The following TAF3 variants were observed in gnomAD, a reference collection of about 807,000 sequenced individuals.
TAF3 encodes transcription initiation factor TFIID subunit 3.
A neutral mutation model predicts 80.6 loss-of-function variants in TAF3; 7 were observed. The observed-to-expected ratio is 0.09, with a 90% CI of 0.05 to 0.16. TAF3 has a LOEUF of 0.16. TAF3 is among the 10% of genes least tolerant of loss of function. The probability of loss-of-function intolerance (pLI) is 1.00; values close to 1 mark genes in which losing one functional copy is unlikely to be tolerated. For missense variants in TAF3, 921 were observed against 1,140.2 expected (o/e 0.81, Z 2.77); for synonymous variants, 444 against 446.1 (o/e 1.00, Z 0.06).
Position 7,964,288 on chromosome 10 carries a change from G to T in TAF3, c.778G>T (p.Ala260Ser). 6.2e-7 allele frequency: 1 copy of T among 1,614,162 alleles called. No individual in the cohort carries two copies. Among genetic ancestry groups the T allele is most frequent in the South Asian group, 1.1e-5 (1 of 91,084 alleles). ...APVAKSQMPT[A>S]KPLETKSFTP... ...AGTTGCAAAATCACAAATGCCAACTGCAAAACCATTAGAAACAAAGTCATT... is the reference window on the plus strand; with the variant it reads ...AGTTGCAAAATCACAAATGCCAACTTCAAAACCATTAGAAACAAAGTCATT... The change falls in exon 3 of 7, where the codon GCA becomes TCA. Residue 260 changes from alanine (A) to serine (S), a missense_variant. This residue lies in a region of TAF3 where 743 missense variants were observed against 821.0 expected (regional missense o/e 0.90). Transcript: ENST00000344293. The surrounding 1 kb of genome is among the most constrained non-coding windows in gnomAD (Gnocchi z 4.1).
Position 7,965,552 on chromosome 10 carries a change from T to C in TAF3, c.2042T>C (p.Leu681Ser), listed in dbSNP as rs779803536. 1 of 1,600,470 alleles carries C rather than the reference T, an allele frequency of 6.2e-7. No individual in the cohort carries two copies. Among genetic ancestry groups the C allele is most frequent in the South Asian group, 1.1e-5 (1 of 87,160 alleles). The stretch of plus-strand genomic sequence containing the variant: ...AGGGTCCCAGCCATGCTGCCATCTT[T>C]GTTGCCAGTGCTTCCGGAAAAACTG... ...ASRVPAMLPSLLPVLPEKLFE... is the reference protein window; with the variant it reads ...ASRVPAMLPSSLPVLPEKLFE... The change falls in exon 3 of 7, where the codon TTG becomes TCG. Residue 681 changes from leucine (L) to serine (S), a missense_variant. Physicochemically the swap from Leu to Ser is moderately radical, Grantham distance 145. Around this residue, in one of 6 missense-constraint regions of TAF3, gnomAD observed 743 missense variants for 821.0 expected, o/e 0.90. Coordinates refer to ENST00000344293, the MANE Select transcript of TAF3 (RefSeq NM_031923.4).
chr10:7,954,876 A>G (rs778615174), intron 2 of TAF3, among the ~76,000 whole-genome samples: 5 of 138,218 alleles, frequency 3.6e-5, no homozygotes, highest in African/African-American at 5.1e-5. Flanking sequence ...TGAATGAGTG[A>G]ATTAGTTCTA....
intron 2 of TAF3, among the ~76,000 whole-genome samples, chr10:7,849,112 A>G (rs1837001261): frequency 6.6e-6 from 1 of 152,216 alleles, no homozygotes; most frequent in Non-Finnish European, 1.5e-5. Context: ...TTAGGTACCA[A>G]GTGCTTCACA....
intron 4 of TAF3, among the ~76,000 whole-genome samples, chr10:7,999,814 C>G (rs957288419): frequency 1.3e-5 from 2 of 152,152 alleles, no homozygotes; most frequent in Non-Finnish European, 2.9e-5. Context: ...TCTCTTCCCC[C>G]TCCTTTGACC....
intron 4 of TAF3, among the ~76,000 whole-genome samples, chr10:8,003,398 C>G (rs1407111543): frequency 6.6e-6 from 1 of 152,176 alleles, no homozygotes; most frequent in African/African-American, 2.4e-5. Context: ...CCATTACTGG[C>G]TTACATATCA....
chr10:7,932,366 C>T (rs971485142), intron 2 of TAF3, among the ~76,000 whole-genome samples: 9 of 152,180 alleles, frequency 5.9e-5, no homozygotes, highest in African/African-American at 1.7e-4. Context: ...GGCATCTCAA[C>T]TAGCTAGTGT....
chr10:7,929,593 G>A (rs576418092), intron 2 of TAF3, among the ~76,000 whole-genome samples: 1 of 151,992 alleles, frequency 6.6e-6, no homozygotes, highest in East Asian at 1.9e-4. Flanking sequence ...CAAACTCCTG[G>A]ACTCAAGTGA....
At chr10:7,939,575 ACTACAC>A (rs1837957468) in intron 2 of TAF3, among the ~76,000 whole-genome samples, 1 of 100,072 alleles carries the variant, frequency 1.0e-5, no homozygotes, top group African/African-American at 3.5e-5. Flanking sequence ...ATAGAAGAAA[ACTACAC>A]ACACACACAC....
At chr10:8,001,149 G>A (rs192667319) in intron 4 of TAF3, among the ~76,000 whole-genome samples, 2 of 152,254 alleles carry the variant, frequency 1.3e-5, no homozygotes, top group African/African-American at 2.4e-5. Context: ...CCTTTACACA[G>A]CTGTCTAATG....
intron 4 of TAF3, among the ~76,000 whole-genome samples, chr10:7,992,563 T>G (rs78726055): frequency 6.7e-6 from 1 of 148,886 alleles, no homozygotes; most frequent in Non-Finnish European, 1.5e-5. Flanking sequence ...TAGAGCCCTT[T>G]AGAGTGAGTA....
intron 2 of TAF3, among the ~76,000 whole-genome samples, chr10:7,933,645 C>T (rs79376812): frequency 0.011 from 1,693 of 152,316 alleles, 32 homozygotes; most frequent in African/African-American, 0.038. Context: ...ATGTCCTCAA[C>T]GTTTGCACAT....
chr10:7,950,235 C>T (rs112022728), intron 2 of TAF3, among the ~76,000 whole-genome samples: 2 of 152,088 alleles, frequency 1.3e-5, no homozygotes, highest in Admixed American at 1.3e-4. Context: ...TTTGAAAAGA[C>T]AGTATTACTC....
At chr10:7,830,736 G>A (rs754853364) in intron 2 of TAF3, among the ~76,000 whole-genome samples, 18 of 151,892 alleles carry the variant, frequency 1.2e-4, no homozygotes, top group African/African-American at 4.4e-4. Context: ...CGCCAGCCTC[G>A]GCCTCCCAAA....
chr10:7,940,908 A>G (rs533101387), intron 2 of TAF3, among the ~76,000 whole-genome samples: 105 of 151,870 alleles, frequency 6.9e-4, no homozygotes, highest in African/African-American at 2.5e-3. Context: ...GCAGTGAGCT[A>G]TGATCACACC....
At chr10:7,872,322 G>C (rs1048751486) in intron 2 of TAF3, among the ~76,000 whole-genome samples, 1 of 147,602 alleles carries the variant, frequency 6.8e-6, no homozygotes, top group Non-Finnish European at 1.5e-5. Context: ...ATTAAAATCA[G>C]TTCCCTGTAT....
At chr10:7,823,699 A>G (rs1398309941) in intron 1 of TAF3, among the ~76,000 whole-genome samples, 1 of 148,168 alleles carries the variant, frequency 6.7e-6, no homozygotes, top group Non-Finnish European at 1.5e-5. Context: ...TAGTGGCACG[A>G]TCTCGGCTCA....
At chr10:7,926,926 G>A (rs1457339809) in intron 2 of TAF3, among the ~76,000 whole-genome samples, 1 of 152,106 alleles carries the variant, frequency 6.6e-6, no homozygotes, top group African/African-American at 2.4e-5. Context: ...TTGGTTCAAC[G>A]TGTGTATATA....
chr10:7,913,328 T>C (rs556551477), intron 2 of TAF3, among the ~76,000 whole-genome samples: 3 of 152,190 alleles, frequency 2.0e-5, no homozygotes, highest in Admixed American at 6.5e-5. Context: ...TTCTTTGAAA[T>C]GCAGGATGTG....
chr10:7,985,980 C>T (rs886872021), intron 4 of TAF3, among the ~76,000 whole-genome samples: 6 of 152,052 alleles, frequency 3.9e-5, no homozygotes, highest in Admixed American at 1.3e-4. Flanking sequence ...GACAGGGTTT[C>T]GCCTTGTTGG....
Sources: allele counts gnomAD v4.1 joint callset (sites outside exome capture counted in the v4.1 genomes callset), GRCh38; gene constraint gnomAD v4.1.1; regional missense constraint gnomAD v4.1.1; non-coding constraint Gnocchi (gnomAD v3.1); transcripts MANE v1.5; gene names NCBI Gene and HGNC (gene_info 2026-07-23, HGNC 2026-07-21).